Variants in GOLGA5 observed in about 807,000 individuals in gnomAD.
The protein encoded by GOLGA5 is golgin subfamily A member 5.
GOLGA5 carries 50 observed loss-of-function variants against 93.5 expected under a neutral mutation model. That is an observed-to-expected ratio of 0.53 (90% CI 0.43 to 0.68). The LOEUF (loss-of-function observed/expected upper bound fraction) is 0.68. Ranked by LOEUF, GOLGA5 falls within the 30% of genes least tolerant of loss-of-function variation. The pLI, the probability that GOLGA5 is intolerant of heterozygous loss-of-function variation, is 0.00. For missense variants in GOLGA5, 760 were observed against 856.4 expected (o/e 0.89, Z 1.40); for synonymous variants, 312 against 304.5 (o/e 1.02, Z -0.26).
intron 2 of GOLGA5, among the ~76,000 whole-genome samples, chr14:92,804,613 A>G (rs1884942253): frequency 6.6e-6 from 1 of 151,156 alleles, no homozygotes; most frequent in Non-Finnish European, 1.5e-5. Flanking sequence ...CTAAAAGCAA[A>G]TGTTCACACC....
intron 7 of GOLGA5, among the ~76,000 whole-genome samples, chr14:92,816,917 T>C (rs1053107664): frequency 2.0e-5 from 3 of 151,822 alleles, no homozygotes; most frequent in Non-Finnish European, 2.9e-5. Context: ...TCTCCTTTCT[T>C]TCCTTCCTTT....
At chr14:92,815,357 A>G (rs1320482784) in intron 6 of GOLGA5, among the ~76,000 whole-genome samples, 1 of 152,190 alleles carries the variant, frequency 6.6e-6, no homozygotes, top group Non-Finnish European at 1.5e-5. Context: ...TAATCTGACC[A>G]TATCCTTTTC....
chr14:92,839,248 T>C (rs1237103681), intron 12 of GOLGA5, 118 bp from the exon 13 acceptor site: 1 of 647,346 alleles, frequency 1.5e-6, no homozygotes. Flanking sequence ...CATTCCTTCA[T>C]GTGTCCCATA....
chr14:92,814,417 G>A (rs1041329694), intron 6 of GOLGA5, among the ~76,000 whole-genome samples: 2 of 152,084 alleles, frequency 1.3e-5, no homozygotes, highest in Non-Finnish European at 2.9e-5. Context: ...CTAAATTCCT[G>A]GACTTGGCAA....
chr14:92,799,440 C>A (rs1474448299), intron 2 of GOLGA5, among the ~76,000 whole-genome samples: 1 of 78,134 alleles, frequency 1.3e-5, no homozygotes, highest in Non-Finnish European at 2.3e-5. Context: ...TCACGCCTGG[C>A]TAATTTTTTT....
intron 2 of GOLGA5, among the ~76,000 whole-genome samples, chr14:92,798,507 CTT>C (rs1304418110): frequency 6.6e-6 from 1 of 152,178 alleles, no homozygotes; most frequent in Non-Finnish European, 1.5e-5. Context: ...GCTTAGAACT[CTT>C]GTTTTCAATT....
At chr14:92,812,900 T>C (rs1885131377) in intron 6 of GOLGA5, among the ~76,000 whole-genome samples, 1 of 152,198 alleles carries the variant, frequency 6.6e-6, no homozygotes, top group East Asian at 1.9e-4. Context: ...CTGCTTCTAA[T>C]AGCCGCCTGC....
At chr14:92,821,393 G>A (rs1885314766) in intron 8 of GOLGA5, among the ~76,000 whole-genome samples, 1 of 151,976 alleles carries the variant, frequency 6.6e-6, no homozygotes. Context: ...TTACTTTAAT[G>A]TACTCATATA....
chr14:92,804,182 G>A (rs751215471), intron 2 of GOLGA5, among the ~76,000 whole-genome samples: 36 of 151,670 alleles, frequency 2.4e-4, no homozygotes, highest in South Asian at 8.4e-4. Flanking sequence ...CCCACATTTG[G>A]ATATATACTT....
chr14:92,798,002 T>C (rs777229794), intron 2 of GOLGA5, 21 bp downstream of exon 2: 1 of 1,490,974 alleles, frequency 6.7e-7, no homozygotes, highest in East Asian at 2.3e-5. Flanking sequence ...AGTCCTCTTA[T>C]TTCTTTTAGA....
chr14:92,834,533 GC>G (rs1487117433), intron 10 of GOLGA5, among the ~76,000 whole-genome samples: 1 of 152,182 alleles, frequency 6.6e-6, no homozygotes, highest in East Asian at 1.9e-4. Flanking sequence ...AGTGTTCCAG[GC>G]AGAAAGAAGA....
At position 92,837,459 on chromosome 14, in the gene GOLGA5, T is replaced by A. The variant is rs748363863; in HGVS notation, c.2115+10T>A. ...TGTAATTATATATATGGTAAGTAAA[T>A]TTATTTGAAAAAACAATGATGCACT... On this transcript the variant is annotated intron_variant, in intron 12 of 12. Transcript: ENST00000163416. 3.3e-6 allele frequency: 4 copies of A among 1,220,636 alleles called. No individual in the cohort carries two copies. In the East Asian group the frequency reaches 9.3e-5, roughly 28 times the overall value. The allele number at this position is 1,220,636 out of a possible 1,614,324, so 75.6% of individuals were successfully genotyped here. A position where few individuals can be genotyped will look rare whatever the true frequency, so the allele number is the denominator to read the frequency against.
At chr14:92,827,642 A>T (rs1013419990) in intron 9 of GOLGA5, among the ~76,000 whole-genome samples, 1 of 152,204 alleles carries the variant, frequency 6.6e-6, no homozygotes, top group African/African-American at 2.4e-5. Flanking sequence ...GTGAAAAGCT[A>T]GAGATGATTA....
rs1039261750 is a variant in GOLGA5, at chr14:92,837,128, A to T, written c.2052-258A>T. On this transcript the variant is annotated intron_variant, in intron 11 of 12. Transcript: ENST00000163416. ...CTCCTACAGTTGTGGCTGTAGAATT[A>T]AGAGAAATACCTGTGCTGAAGTTTA... is the stretch of plus-strand genomic sequence containing the variant. Among the ~76,000 whole-genome samples the T allele has an allele frequency of 3.4e-4, 51 of 152,148 alleles. 1 individual carries two copies. Among genetic ancestry groups the T allele is most frequent in the Non-Finnish European group, 3.1e-4 (21 of 68,018 alleles).
At chr14:92,794,821 C>T (rs1023062683) in intron 1 of GOLGA5, among the ~76,000 whole-genome samples, 1 of 152,186 alleles carries the variant, frequency 6.6e-6, no homozygotes, top group Non-Finnish European at 1.5e-5. Flanking sequence ...AGCCTCCCTC[C>T]CTCTGTGCTG....
intron 7 of GOLGA5, among the ~76,000 whole-genome samples, chr14:92,816,842 G>C (rs150258398): frequency 6.6e-6 from 1 of 152,240 alleles, no homozygotes; most frequent in Non-Finnish European, 1.5e-5. Flanking sequence ...TTGCAGGGCT[G>C]TTGCAGCCCG....
chr14:92,822,135 G>A (rs17128601), intron 8 of GOLGA5, among the ~76,000 whole-genome samples: 12,553 of 152,176 alleles, frequency 0.082, 729 homozygotes, highest in South Asian at 0.26. Context: ...TACTTGCCTA[G>A]AGCTTAAAAG....
chr14:92,836,704 C>A (rs139198955), intron 11 of GOLGA5, among the ~76,000 whole-genome samples: 486 of 152,266 alleles, frequency 3.2e-3, no homozygotes, highest in Middle Eastern at 0.014. Flanking sequence ...GCCAACCAGA[C>A]TCTTTTTTTC....
chr14:92,809,596 GC>G, intron 4 of GOLGA5, 77 bp downstream of exon 4: 1 of 861,310 alleles, frequency 1.2e-6, no homozygotes, highest in Non-Finnish European at 1.9e-6. Context: ...ATGAAACTTA[GC>G]TTTCTTGGAA....
Sources: gnomAD v4.1 joint callset for allele counts (sites outside exome capture counted in the v4.1 genomes callset) on GRCh38, gnomAD v4.1.1 for gene constraint, MANE v1.5 for transcripts, NCBI Gene and HGNC (gene_info 2026-07-23, HGNC 2026-07-21) for gene names.